SRBD1: variants seen among roughly 807,000 people sequenced by gnomAD.
The protein encoded by SRBD1 is S1 RNA-binding domain-containing protein 1.
In SRBD1, 88 loss-of-function variants were observed where a neutral mutation model predicts 115.3. The ratio of observed to expected loss-of-function variants is 0.76; its 90% confidence interval spans 0.64 to 0.91. SRBD1 has a LOEUF of 0.91. Among genes scored for constraint, SRBD1 ranks in the 40% least tolerant of loss-of-function variants. The probability of loss-of-function intolerance (pLI) is 0.00; values close to 1 mark genes in which losing one functional copy is unlikely to be tolerated. For missense variants in SRBD1, 1,385 were observed against 1,177.4 expected (o/e 1.18, Z -2.58); for synonymous variants, 509 against 407.7 (o/e 1.25, Z -2.99).
intron 9 of SRBD1, among the ~76,000 whole-genome samples, chr2:45,568,307 T>G (rs2104126585): frequency 6.6e-6 from 1 of 152,316 alleles, no homozygotes; most frequent in East Asian, 1.9e-4. Context: ...AGTTCCACAG[T>G]AATTTTCCTT....
intron 16 of SRBD1, among the ~76,000 whole-genome samples, chr2:45,425,325 A>T (rs1668120148): frequency 6.6e-6 from 1 of 152,194 alleles, no homozygotes; most frequent in South Asian, 2.1e-4. Context: ...CAATTCTAAA[A>T]CATGTACATA....
chr2:45,415,560 T>C (rs1261856330), intron 18 of SRBD1, among the ~76,000 whole-genome samples: 1 of 144,886 alleles, frequency 6.9e-6, no homozygotes, highest in Non-Finnish European at 1.5e-5. Flanking sequence ...ATAGTCTGTA[T>C]ACGTATATAT....
At position 45,573,011 on chromosome 2, in the gene SRBD1, T is replaced by C. The variant is rs765759444; in HGVS notation, c.1305+196A>G. On this transcript the variant is annotated intron_variant, in intron 9 of 20. Transcript: ENST00000263736. ...TCAGCTCTGCTAATAATTCTCAATGTCACTTGTTAACTTCTCCGGGTCATT... is the reference window on the plus strand; with the variant it reads ...TCAGCTCTGCTAATAATTCTCAATGCCACTTGTTAACTTCTCCGGGTCATT... Among the ~76,000 whole-genome samples the C allele has an allele frequency of 3.5e-4, 53 of 152,292 alleles. No homozygotes were observed. In the Middle Eastern group the frequency reaches 0.014, roughly 39 times the overall value.
At chr2:45,477,384 C>T (rs1333854331) in intron 15 of SRBD1, among the ~76,000 whole-genome samples, 1 of 152,164 alleles carries the variant, frequency 6.6e-6, no homozygotes, top group Non-Finnish European at 1.5e-5. Flanking sequence ...CCTATTCATT[C>T]TTCATTCTTT....
At chr2:45,403,631 T>C (rs1667349149) in intron 19 of SRBD1, among the ~76,000 whole-genome samples, 1 of 152,094 alleles carries the variant, frequency 6.6e-6, no homozygotes, top group African/African-American at 2.4e-5. Flanking sequence ...AATTTTCAGA[T>C]GCATTATTTA....
chr2:45,484,583 T>C (rs781505087), intron 15 of SRBD1, among the ~76,000 whole-genome samples: 5 of 152,222 alleles, frequency 3.3e-5, no homozygotes, highest in Non-Finnish European at 7.3e-5. Flanking sequence ...TGTTATTTTA[T>C]TGAGGTGAAA....
intron 14 of SRBD1, among the ~76,000 whole-genome samples, chr2:45,509,486 C>T (rs1430936509): frequency 1.3e-5 from 2 of 151,964 alleles, no homozygotes; most frequent in Admixed American, 6.6e-5. Flanking sequence ...GTCCCAGCTA[C>T]ACGGGAGGCT....
At chr2:45,445,485 G>A (rs1410470523) in intron 16 of SRBD1, among the ~76,000 whole-genome samples, 3 of 144,042 alleles carry the variant, frequency 2.1e-5, no homozygotes, top group African/African-American at 7.7e-5. Flanking sequence ...CATAGGTTAG[G>A]GGTCACAATG....
At chr2:45,468,407 A>G (rs1390854378) in intron 16 of SRBD1, among the ~76,000 whole-genome samples, 1 of 139,044 alleles carries the variant, frequency 7.2e-6, no homozygotes, top group African/African-American at 2.8e-5. Context: ...TTTTTTTTTG[A>G]CACAGGGTCT....
intron 16 of SRBD1, among the ~76,000 whole-genome samples, chr2:45,474,811 T>C (rs1669757490): frequency 6.6e-6 from 1 of 152,186 alleles, no homozygotes; most frequent in African/African-American, 2.4e-5. Context: ...GAGGGACCCT[T>C]TCTTGTTTTC....
At position 45,477,015 on chromosome 2, in the gene SRBD1, T is replaced by A. The variant is rs760087845; in HGVS notation, c.2027A>T (p.His676Leu). ...LAELVKIEPK[H>L]IGVGMYQHDV... ...TACCTGATACATTCCAACTCCAATGTGCTTTGGCTCAATTTTCACTAGCTC... is the reference window on the plus strand; with the variant it reads ...TACCTGATACATTCCAACTCCAATGAGCTTTGGCTCAATTTTCACTAGCTC... The change falls in exon 16 of 21, where the codon CAC becomes CTC. Residue 676 changes from histidine to leucine, a missense_variant. Coordinates refer to ENST00000263736, the MANE Select transcript of SRBD1 (RefSeq NM_018079.5). 4 of 1,613,672 alleles carry A rather than the reference T, an allele frequency of 2.5e-6. No homozygotes were observed. The highest frequency in any genetic ancestry group is 3.4e-6 in the Non-Finnish European group (4 of 1,179,888).
intron 14 of SRBD1, among the ~76,000 whole-genome samples, chr2:45,518,402 T>G (rs1170741136): frequency 1.3e-5 from 2 of 152,198 alleles, no homozygotes; most frequent in African/African-American, 2.4e-5. Flanking sequence ...TTGAGCAGAA[T>G]GAATGACAGA....
intron 14 of SRBD1, among the ~76,000 whole-genome samples, chr2:45,534,381 G>C (rs961232821): frequency 1.3e-5 from 2 of 151,860 alleles, no homozygotes; most frequent in African/African-American, 2.4e-5. Context: ...CAAGAGCCCA[G>C]TGTTCATAAT....
At chr2:45,436,692 G>A (rs1668509856) in intron 16 of SRBD1, among the ~76,000 whole-genome samples, 1 of 152,138 alleles carries the variant, frequency 6.6e-6, no homozygotes, top group African/African-American at 2.4e-5. Context: ...ACTATGAGGA[G>A]AACAGCATAG....
chr2:45,434,253 G>A (rs569234968), intron 16 of SRBD1, among the ~76,000 whole-genome samples: 2 of 152,256 alleles, frequency 1.3e-5, no homozygotes, highest in South Asian at 2.1e-4. Context: ...ACATTCCAGG[G>A]CTTCAATAGC....
rs114458928 is a variant in SRBD1, at chr2:45,479,698, T to A, written c.1967-2623A>T. ...AAACAGCAATTGCTGATGTAGAAGC[T>A]GTAGCAAGTTGTCCAGAAGATCTAG... On this transcript the variant is annotated intron_variant, in intron 15 of 20. Coordinates refer to ENST00000263736, the MANE Select transcript of SRBD1 (RefSeq NM_018079.5). Among the ~76,000 whole-genome samples the A allele has an allele frequency of 4.7e-3, 715 of 152,366 alleles. 8 individuals are homozygous for A. The highest frequency in any genetic ancestry group is 0.016 in the African/African-American group (679 of 41,590).
intron 14 of SRBD1, among the ~76,000 whole-genome samples, chr2:45,521,030 A>G (rs1233832802): frequency 6.6e-6 from 1 of 152,172 alleles, no homozygotes; most frequent in East Asian, 1.9e-4. Context: ...AACACACTGT[A>G]ACATATGTCC....
intron 14 of SRBD1, among the ~76,000 whole-genome samples, chr2:45,520,974 T>C (rs1671264190): frequency 6.6e-6 from 1 of 152,212 alleles, no homozygotes; most frequent in African/African-American, 2.4e-5. Flanking sequence ...GAGGGTCCTC[T>C]GAGCTGGTTA....
chr2:45,535,938 T>G (rs1671750832), intron 14 of SRBD1, among the ~76,000 whole-genome samples: 2 of 152,062 alleles, frequency 1.3e-5, no homozygotes, highest in African/African-American at 4.8e-5. Flanking sequence ...CCAGAACTAT[T>G]TTTAACAGAT....
Sources: gnomAD v4.1 joint callset for allele counts (sites outside exome capture counted in the v4.1 genomes callset) on GRCh38, gnomAD v4.1.1 for gene constraint, MANE v1.5 for transcripts, NCBI Gene and HGNC (gene_info 2026-07-23, HGNC 2026-07-21) for gene names.